NME7: variants seen among roughly 807,000 people sequenced by gnomAD.
NME7 encodes nucleoside diphosphate kinase 7.
NME7 carries 41 observed loss-of-function variants against 49.1 expected under a neutral mutation model. The ratio of observed to expected loss-of-function variants is 0.83; its 90% CI spans 0.65 to 1.08. The LOEUF (loss-of-function observed/expected upper bound fraction) is 1.08, where lower values mean the gene tolerates loss of function less well. Ranked by LOEUF, NME7 falls within the 50% of genes least tolerant of loss-of-function variation. The probability of loss-of-function intolerance (pLI) is 0.00; values close to 1 mark genes in which losing one functional copy is unlikely to be tolerated. For synonymous variants in NME7, 139 were observed against 150.6 expected (o/e 0.92, Z 0.56); for missense variants, 423 against 463.4 (o/e 0.91, Z 0.80).
intron 4 of NME7, among the ~76,000 whole-genome samples, chr1:169,305,473 G>C (rs1220543073): frequency 6.6e-6 from 1 of 152,188 alleles, no homozygotes; most frequent in Non-Finnish European, 1.5e-5. Context: ...TTTTAGAAAA[G>C]ATGCATACAT....
At chr1:169,234,669 T>C (rs974493288) in intron 9 of NME7, among the ~76,000 whole-genome samples, 9 of 152,092 alleles carry the variant, frequency 5.9e-5, no homozygotes, top group Non-Finnish European at 1.0e-4. Context: ...AAATTGTCGA[T>C]GGTCATATAA....
intron 7 of NME7, among the ~76,000 whole-genome samples, chr1:169,251,539 T>C (rs950678839): frequency 7.0e-6 from 1 of 143,336 alleles, no homozygotes; most frequent in Admixed American, 7.4e-5. Context: ...ACCTAGATAC[T>C]CTGGTTTCTT....
intron 7 of NME7, among the ~76,000 whole-genome samples, chr1:169,273,860 A>C (rs1255671252): frequency 3.2e-5 from 4 of 126,150 alleles, no homozygotes; most frequent in African/African-American, 1.1e-4. Context: ...CCAGTCTATC[A>C]TTGTTGGACA....
chr1:169,305,098 T>C (rs572349081), intron 4 of NME7, among the ~76,000 whole-genome samples: 1 of 152,350 alleles, frequency 6.6e-6, no homozygotes, highest in Admixed American at 6.5e-5. Context: ...ATCCAACATG[T>C]CCCTGATTCC....
chr1:169,352,529 T>C (rs72702147), intron 1 of NME7, among the ~76,000 whole-genome samples: 8,099 of 152,062 alleles, frequency 0.053, 265 homozygotes, highest in Middle Eastern at 0.11. Context: ...CATGACAAGG[T>C]TATACACTTT....
At chr1:169,191,239 T>G (rs888001936) in intron 10 of NME7, among the ~76,000 whole-genome samples, 3 of 152,202 alleles carry the variant, frequency 2.0e-5, no homozygotes, top group African/African-American at 7.2e-5. Context: ...GTTTTCTATT[T>G]GGGGATATAA....
chr1:169,225,141 C>G (rs961446047), intron 10 of NME7, among the ~76,000 whole-genome samples: 14 of 152,040 alleles, frequency 9.2e-5, no homozygotes, highest in African/African-American at 3.4e-4. Flanking sequence ...GAGAGTATCA[C>G]TTTTTTGTCC....
At chr1:169,238,410 A>G (rs1647947284) in intron 7 of NME7, among the ~76,000 whole-genome samples, 1 of 151,614 alleles carries the variant, frequency 6.6e-6, no homozygotes, top group Non-Finnish European at 1.5e-5. Flanking sequence ...TTTGTTTCCT[A>G]TAAAAGTCTA....
intron 7 of NME7, among the ~76,000 whole-genome samples, chr1:169,238,399 A>C (rs1200863155): frequency 2.0e-5 from 3 of 151,196 alleles, no homozygotes; most frequent in Non-Finnish European, 4.4e-5. Flanking sequence ...TTGAGATTCC[A>C]TTTGTTTCCT....
chr1:169,335,736 T>G (rs925074881), intron 1 of NME7, among the ~76,000 whole-genome samples: 1 of 147,064 alleles, frequency 6.8e-6, no homozygotes, highest in African/African-American at 2.5e-5. Context: ...TAATATATAT[T>G]TAATATATAC....
chr1:169,330,604 G>T (rs541790738), intron 1 of NME7, among the ~76,000 whole-genome samples: 2 of 152,026 alleles, frequency 1.3e-5, no homozygotes, highest in South Asian at 2.1e-4. Flanking sequence ...GCTTGAACCC[G>T]GGAGGAGGAG....
chr1:169,160,326 C>T (rs923043422), intron 11 of NME7, among the ~76,000 whole-genome samples: 5 of 152,108 alleles, frequency 3.3e-5, no homozygotes, highest in African/African-American at 7.2e-5. Flanking sequence ...AACTGTTCAC[C>T]AGAAAATAAT....
intron 1 of NME7, among the ~76,000 whole-genome samples, chr1:169,332,099 A>G (rs1323486318): frequency 6.6e-6 from 1 of 152,168 alleles, no homozygotes; most frequent in Non-Finnish European, 1.5e-5. Flanking sequence ...CCCAAACATC[A>G]TGGTACTGAC....
chr1:169,211,370 C>G (rs1571294808), intron 10 of NME7, among the ~76,000 whole-genome samples: 1 of 152,148 alleles, frequency 6.6e-6, no homozygotes, highest in South Asian at 2.1e-4. Context: ...TGCCTTTAAT[C>G]CAATCAGTTA....
At chr1:169,155,007 G>A (rs1659026883) in intron 11 of NME7, among the ~76,000 whole-genome samples, 1 of 151,810 alleles carries the variant, frequency 6.6e-6, no homozygotes, top group Admixed American at 6.6e-5. Context: ...ACAGGGTCTT[G>A]CTGTGTTGTC....
At chr1:169,151,193 C>T (rs745922) in intron 11 of NME7, among the ~76,000 whole-genome samples, 59,933 of 151,808 alleles carry the variant, frequency 0.39, 12,187 homozygotes, top group East Asian at 0.73. Context: ...TTGCTCTAGG[C>T]GGGAAGGCAG....
At chr1:169,323,322 A>T in intron 2 of NME7, 39 bp from the exon 3 acceptor site, 1 of 1,433,296 alleles carries the variant, frequency 7.0e-7, no homozygotes, top group Non-Finnish European at 9.2e-7. Flanking sequence ...CAAACAAAAA[A>T]AGTTATGAAT....
intron 10 of NME7, among the ~76,000 whole-genome samples, chr1:169,177,117 T>C (rs1659776830): frequency 6.6e-6 from 1 of 152,104 alleles, no homozygotes. Context: ...ATAATTACTA[T>C]CCAGTCTTGC....
At chr1:169,365,206 G>A (rs1240785983) in intron 1 of NME7, among the ~76,000 whole-genome samples, 12 of 152,016 alleles carry the variant, frequency 7.9e-5, no homozygotes, top group African/African-American at 1.4e-4. Flanking sequence ...AATCAGCAGC[G>A]CCCATTCCCT....
Sources: gnomAD v4.1 joint callset for allele counts (sites outside exome capture counted in the v4.1 genomes callset) on GRCh38, gnomAD v4.1.1 for gene constraint, MANE v1.5 for transcripts, NCBI Gene and HGNC (gene_info 2026-07-23, HGNC 2026-07-21) for gene names.